The following KAT6A variants were observed in gnomAD, a reference collection of about 807,000 sequenced individuals.
KAT6A encodes the protein histone acetyltransferase KAT6A.
KAT6A carries 9 observed loss-of-function variants against 198.4 expected under a neutral mutation model. The ratio of observed to expected loss-of-function variants is 0.05; its 90% CI spans 0.03 to 0.08. KAT6A has a LOEUF of 0.08. Among genes scored for constraint, KAT6A ranks in the 10% least tolerant of loss-of-function variants. KAT6A has a pLI of 1.00. For synonymous variants in KAT6A, 890 were observed against 883.0 expected (o/e 1.01, Z -0.14); for missense variants, 2,077 against 2,509.9 (o/e 0.83, Z 3.69).
chr8:42,043,945 C>T (rs1372025323), intron 2 of KAT6A, among the ~76,000 whole-genome samples: 1 of 152,062 alleles, frequency 6.6e-6, no homozygotes, highest in Non-Finnish European at 1.5e-5. Context: ...CTAACAGTAG[C>T]TAGTTATGTT....
chr8:41,949,410 G>C (rs1822561401), intron 9 of KAT6A, 47 bp from the exon 10 acceptor site: 2 of 1,357,392 alleles, frequency 1.5e-6, no homozygotes, highest in Non-Finnish European at 1.9e-6. Flanking sequence ...ATATTTTAGA[G>C]TACTTCAAAC....
intron 2 of KAT6A, among the ~76,000 whole-genome samples, chr8:42,044,219 G>C (rs1459567578): frequency 2.0e-5 from 3 of 150,626 alleles, no homozygotes; most frequent in African/African-American, 7.3e-5. Context: ...TCCTGCCTCA[G>C]CCTACCGAGT....
rs139920738 is a variant in KAT6A at position 41,936,808 on chromosome 8, T to C, written c.3352+448A>G. On this transcript the variant is annotated intron_variant, in intron 16 of 16. Transcript: ENST00000265713. Reference sequence around the variant, plus strand: ...ACATGAATCTGCTCTTTCTGGAGAATTGTCTTCTTAGCATTCACTCATTTA... The same window carrying C: ...ACATGAATCTGCTCTTTCTGGAGAACTGTCTTCTTAGCATTCACTCATTTA... 2.1e-3 allele frequency among the ~76,000 whole-genome samples: 317 copies of C among 152,340 alleles called. 2 individuals are homozygous for C. Among genetic ancestry groups the C allele is most frequent in the African/African-American group, 7.2e-3 (298 of 41,568 alleles).
chr8:42,051,293 C>T (rs1802620553), intron 1 of KAT6A, among the ~76,000 whole-genome samples: 1 of 151,968 alleles, frequency 6.6e-6, no homozygotes, highest in Non-Finnish European at 1.5e-5. Flanking sequence ...GACACAACAC[C>T]ACACGTGCTG....
chr8:42,023,104 C>T (rs1363112463), intron 2 of KAT6A, among the ~76,000 whole-genome samples: 1 of 152,110 alleles, frequency 6.6e-6, no homozygotes, highest in Non-Finnish European at 1.5e-5. Flanking sequence ...GCAATTGTAA[C>T]ACAATGGTAA....
intron 2 of KAT6A, among the ~76,000 whole-genome samples, chr8:41,990,577 T>A (rs1455727313): frequency 1.3e-5 from 2 of 152,102 alleles, no homozygotes; most frequent in Non-Finnish European, 2.9e-5. Flanking sequence ...AGAAAATACA[T>A]GAATAACACA....
chr8:42,010,987 G>A (rs1333474158), intron 2 of KAT6A, among the ~76,000 whole-genome samples: 1 of 152,188 alleles, frequency 6.6e-6, no homozygotes, highest in Non-Finnish European at 1.5e-5. Context: ...TTCAAAGAGA[G>A]AGCAGAGATA....
intron 9 of KAT6A, among the ~76,000 whole-genome samples, chr8:41,951,192 T>C (rs933677223): frequency 1.3e-4 from 20 of 151,946 alleles, no homozygotes; most frequent in Admixed American, 2.6e-4. Flanking sequence ...AACAAAACTT[T>C]AGTGAACCTT....
chr8:41,969,121 A>G (rs1363423158), intron 8 of KAT6A, among the ~76,000 whole-genome samples: 1 of 152,140 alleles, frequency 6.6e-6, no homozygotes, highest in Non-Finnish European at 1.5e-5. Flanking sequence ...GGCACTCAAT[A>G]AACAATGTGT....
rs1297626443 is a variant in KAT6A, at chr8:41,982,184, T to TA, written c.710-231dup. 7.2e-5 allele frequency among the ~76,000 whole-genome samples: 11 copies of TA among 152,040 alleles called. No homozygotes were observed. The East Asian group carries it at 2.1e-3, about 29-fold the overall frequency. On this transcript the variant is annotated intron_variant, in intron 3 of 16. Coordinates refer to ENST00000265713, the MANE Select transcript of KAT6A (RefSeq NM_006766.5). Reference sequence around the variant, plus strand: ...GGACCCCTCCCCACAATTTGATTATTAAAAAAAACTTGACAAACTCCAAAC... The same window carrying TA: ...GGACCCCTCCCCACAATTTGATTATTAAAAAAAAACTTGACAAACTCCAAAC...
intron 8 of KAT6A, among the ~76,000 whole-genome samples, chr8:41,970,722 G>T (rs534998378): frequency 6.6e-5 from 10 of 152,174 alleles, no homozygotes; most frequent in Non-Finnish European, 1.3e-4. Context: ...CCATTACTGG[G>T]TGTATACCCA....
At chr8:41,967,608 C>T (rs1402156227) in intron 8 of KAT6A, among the ~76,000 whole-genome samples, 1 of 151,920 alleles carries the variant, frequency 6.6e-6, no homozygotes. Flanking sequence ...CATCCATGTC[C>T]CTACAAAGGA....
At chr8:41,997,808 G>A (rs946248095) in intron 2 of KAT6A, among the ~76,000 whole-genome samples, 1 of 152,032 alleles carries the variant, frequency 6.6e-6, no homozygotes, top group Non-Finnish European at 1.5e-5. Context: ...TTTCTTCGGT[G>A]GGTATTTGTT....
intron 12 of KAT6A, among the ~76,000 whole-genome samples, chr8:41,945,144 C>A (rs955606318): frequency 2.0e-5 from 3 of 152,192 alleles, no homozygotes; most frequent in African/African-American, 7.2e-5. Context: ...AAACAATTTT[C>A]TCTATCATTC....
At chr8:41,969,289 T>C (rs538348932) in intron 8 of KAT6A, among the ~76,000 whole-genome samples, 1 of 152,350 alleles carries the variant, frequency 6.6e-6, no homozygotes, top group African/African-American at 2.4e-5. Flanking sequence ...CAAAAATGAC[T>C]TTCTGCACTA....
At chr8:41,971,366 CT>C (rs1823786589) in intron 8 of KAT6A, among the ~76,000 whole-genome samples, 1 of 151,938 alleles carries the variant, frequency 6.6e-6, no homozygotes, top group Non-Finnish European at 1.5e-5. Flanking sequence ...GGGCTGTAAG[CT>C]ATTTTCGTGT....
At chr8:41,976,847 G>C (rs1824078119) in intron 7 of KAT6A, among the ~76,000 whole-genome samples, 161 bp downstream of exon 7, 1 of 152,126 alleles carries the variant, frequency 6.6e-6, no homozygotes, top group African/African-American at 2.4e-5. Flanking sequence ...TCCTGCCACA[G>C]TTATCACCTC....
rs1412584153 is a variant in KAT6A at position 41,934,863 on chromosome 8, A to C, written c.3357T>G (p.Thr1119=). The C allele has an allele frequency of 6.2e-7, 1 of 1,605,724 alleles. No homozygotes were observed. The highest frequency in any genetic ancestry group is 1.1e-5 in the South Asian group (1 of 89,620). The change falls in exon 17 of 17, where the codon ACT becomes ACG. Residue 1119 remains threonine, a synonymous_variant. Transcript: ENST00000265713. ...EDEESDDADD[T]PILKPVSLLR... Reference sequence around the variant, plus strand: ...AAAGAGATACTGGCTTTAAGATAGGAGTGTCTATACAGGAAGGAAAAAAAA... The same window carrying C: ...AAAGAGATACTGGCTTTAAGATAGGCGTGTCTATACAGGAAGGAAAAAAAA...
chr8:42,039,628 A>G (rs1294785814), intron 2 of KAT6A, among the ~76,000 whole-genome samples: 3 of 152,244 alleles, frequency 2.0e-5, no homozygotes, highest in Non-Finnish European at 4.4e-5. Context: ...CTAAAGAAAA[A>G]ACAGGCAGCA....
Sources: gnomAD v4.1 joint callset for allele counts (sites outside exome capture counted in the v4.1 genomes callset) on GRCh38, gnomAD v4.1.1 for gene constraint, MANE v1.5 for transcripts, NCBI Gene and HGNC (gene_info 2026-07-23, HGNC 2026-07-21) for gene names.